The following PALS2 variants were observed in gnomAD, a reference collection of about 807,000 sequenced individuals.
PALS2 encodes the protein protein PALS2.
Under a neutral mutation model 61.6 loss-of-function variants are expected in PALS2, and 27 were observed. The observed-to-expected ratio is 0.44, with a 90% CI of 0.32 to 0.60. The LOEUF is 0.60. PALS2 is among the 20% of genes least tolerant of loss of function. The pLI, the probability that PALS2 is intolerant of heterozygous loss-of-function variation, is 0.05. For synonymous variants in PALS2, 236 were observed against 218.6 expected, an observed-to-expected ratio of 1.08 and a Z score of -0.70; for missense variants, 554 against 639.4, an observed-to-expected ratio of 0.87 and a Z score of 1.44.
chr7:24,677,824 C>G (rs1787699965), intron 9 of PALS2, among the ~76,000 whole-genome samples: 1 of 152,170 alleles, frequency 6.6e-6, no homozygotes, highest in Non-Finnish European at 1.5e-5. Context: ...AAGACGACCA[C>G]TCTCAAGGTT....
intron 6 of PALS2, 136 bp from the exon 7 acceptor site, chr7:24,665,452 T>G (rs1024752322): frequency 3.0e-6 from 2 of 663,996 alleles, no homozygotes; most frequent in Admixed American, 5.4e-5. Context: ...TAACTGACAA[T>G]GCTATGGATT....
intron 1 of PALS2, among the ~76,000 whole-genome samples, chr7:24,580,875 A>G (rs780678966): frequency 2.0e-5 from 3 of 152,130 alleles, no homozygotes; most frequent in Non-Finnish European, 2.9e-5. Context: ...GGTCTATGTT[A>G]AATGCTCTCC....
chr7:24,684,203 G>A (rs554452167), intron 11 of PALS2, among the ~76,000 whole-genome samples: 2 of 151,932 alleles, frequency 1.3e-5, no homozygotes, highest in African/African-American at 2.4e-5. Context: ...AGGTTCAAGC[G>A]ATTCTCCTGC....
chr7:24,605,069 C>T (rs950390606), intron 1 of PALS2, among the ~76,000 whole-genome samples: 2 of 152,140 alleles, frequency 1.3e-5, no homozygotes, highest in Non-Finnish European at 2.9e-5. Flanking sequence ...ATGATGCTGT[C>T]CAGTTTTATA....
intron 1 of PALS2, among the ~76,000 whole-genome samples, chr7:24,615,247 A>G (rs775871087): frequency 1.5e-4 from 23 of 151,970 alleles, no homozygotes; most frequent in Admixed American, 3.9e-4. Context: ...ACAAGAACAA[A>G]CCAAACTCAA....
chr7:24,629,826 C>T (rs906191940), intron 2 of PALS2, among the ~76,000 whole-genome samples: 5 of 152,168 alleles, frequency 3.3e-5, no homozygotes, highest in African/African-American at 1.2e-4. Context: ...AGTCTGGAAA[C>T]AACAGATACT....
At chr7:24,658,465 C>G (rs1390378829) in intron 5 of PALS2, among the ~76,000 whole-genome samples, 1 of 151,904 alleles carries the variant, frequency 6.6e-6, no homozygotes, top group Non-Finnish European at 1.5e-5. Flanking sequence ...TCTTTGCGTG[C>G]TTGGCCATTT....
chr7:24,607,664 C>T (rs911980948), intron 1 of PALS2, among the ~76,000 whole-genome samples: 3 of 147,322 alleles, frequency 2.0e-5, no homozygotes, highest in African/African-American at 5.1e-5. Context: ...CGTATGTATA[C>T]ACACACATAT....
chr7:24,665,720 T>A, intron 7 of PALS2, 33 bp downstream of exon 7: 1 of 1,569,562 alleles, frequency 6.4e-7, no homozygotes, highest in Non-Finnish European at 8.8e-7. Context: ...TAACAAGCAG[T>A]CCTTTGTGAC....
At chr7:24,644,269 C>G (rs888199455) in intron 3 of PALS2, among the ~76,000 whole-genome samples, 1 of 152,010 alleles carries the variant, frequency 6.6e-6, no homozygotes, top group African/African-American at 2.4e-5. Flanking sequence ...ACCCTCCCCA[C>G]TCAGGTAGAC....
intron 1 of PALS2, among the ~76,000 whole-genome samples, chr7:24,576,559 A>G (rs946791963): frequency 6.6e-6 from 1 of 152,238 alleles, no homozygotes; most frequent in African/African-American, 2.4e-5. Flanking sequence ...TTAACAGTCT[A>G]CTGTTAAGTG....
chr7:24,687,563 A>G lies in PALS2; in HGVS notation c.1572A>G (p.Ile524Met). The G allele has an allele frequency of 5.6e-6, 9 of 1,612,842 alleles. No individual in the cohort carries two copies. Among genetic ancestry groups the G allele is most frequent in the Non-Finnish European group, 7.6e-6 (9 of 1,179,612 alleles). The change falls in exon 12 of 12, where the codon ATA (isoleucine) becomes ATG (methionine). Residue 524 changes from isoleucine (I) to methionine (M), a missense_variant. Ile to Met is a conservative substitution (Grantham distance 10). Coordinates refer to ENST00000222644, the MANE Select transcript of PALS2 (RefSeq NM_001303037.2). This position sits in a 1 kb window ranked among gnomAD's most constrained non-coding sequence, Gnocchi z 4.5. Reference sequence around the variant, plus strand: ...CCTTTGAAAAACTGCAAACTGCCATAGAGAAACTGAGAATGGAACCACAGT... The same window carrying G: ...CCTTTGAAAAACTGCAAACTGCCATGGAGAAACTGAGAATGGAACCACAGT... ...DKAFEKLQTA[I>M]EKLRMEPQWV...
At chr7:24,660,226 A>G (rs1259211385) in intron 5 of PALS2, among the ~76,000 whole-genome samples, 1 of 150,858 alleles carries the variant, frequency 6.6e-6, no homozygotes, top group Non-Finnish European at 1.5e-5. Context: ...TTTAATTTTT[A>G]TATAGGTGAA....
intron 2 of PALS2, among the ~76,000 whole-genome samples, chr7:24,637,448 G>A (rs1333835451): frequency 1.3e-5 from 2 of 151,970 alleles, no homozygotes; most frequent in Non-Finnish European, 2.9e-5. Flanking sequence ...GTGAGCCTGT[G>A]TTGATCTTGA....
intron 1 of PALS2, among the ~76,000 whole-genome samples, chr7:24,606,681 A>G (rs887854864): frequency 6.6e-6 from 1 of 151,950 alleles, no homozygotes; most frequent in African/African-American, 2.4e-5. Context: ...GGGCTTAAGC[A>G]ATCCTCCTGC....
chr7:24,600,672 CTA>C (rs1783688113), intron 1 of PALS2, among the ~76,000 whole-genome samples: 1 of 151,988 alleles, frequency 6.6e-6, no homozygotes. Context: ...AGCCATTTAA[CTA>C]TTTTTTATAG....
chr7:24,601,963 C>CT (rs1234878648), intron 1 of PALS2, among the ~76,000 whole-genome samples: 7 of 152,070 alleles, frequency 4.6e-5, no homozygotes, highest in African/African-American at 1.7e-4. Context: ...CAACTTACAT[C>CT]TTTCATTTCT....
intron 1 of PALS2, among the ~76,000 whole-genome samples, chr7:24,587,034 T>G (rs886106929): frequency 7.9e-5 from 12 of 151,430 alleles, no homozygotes; most frequent in South Asian, 2.1e-4. Flanking sequence ...TAAAGGATTT[T>G]TTTTTTGTTT....
chr7:24,619,162 CT>C (rs1233530132), intron 1 of PALS2, among the ~76,000 whole-genome samples: 1 of 152,134 alleles, frequency 6.6e-6, no homozygotes, highest in Non-Finnish European at 1.5e-5. Flanking sequence ...CTTTCCTGCT[CT>C]TTGCCCTTTT....
Sources: gnomAD v4.1 joint callset for allele counts (sites outside exome capture counted in the v4.1 genomes callset) on GRCh38, gnomAD v4.1.1 for gene constraint, Gnocchi (gnomAD v3.1) non-coding constraint, MANE v1.5 for transcripts, NCBI Gene and HGNC (gene_info 2026-07-23, HGNC 2026-07-21) for gene names.